Variants in ZFHX3 observed in about 807,000 individuals in gnomAD.
The protein encoded by ZFHX3 is zinc finger homeobox 3.
In ZFHX3, 42 loss-of-function variants were observed where a neutral mutation model predicts 279.1. That is an observed-to-expected ratio of 0.15 (90% CI 0.12 to 0.19). ZFHX3 has a LOEUF of 0.19. Among genes scored for constraint, ZFHX3 ranks in the 10% least tolerant of loss-of-function variants. ZFHX3 has a pLI of 1.00. For missense variants in ZFHX3, 4,981 were observed against 4,754.0 expected (o/e 1.05, Z -1.40); for synonymous variants, 2,293 against 1,957.8 (o/e 1.17, Z -4.52).
chr16:73,745,598 T>C (rs1201904830), intron 1 of ZFHX3, among the ~76,000 whole-genome samples: 2 of 152,198 alleles, frequency 1.3e-5, no homozygotes, highest in African/African-American at 4.8e-5. Context: ...ACCAAATGCG[T>C]GTATAGCCAG....
rs138643120 is a variant in ZFHX3, at chr16:72,787,677, C to T, written c.10599G>A (p.Ala3533=). 4.7e-5 allele frequency: 72 copies of T among 1,543,232 alleles called. No individual in the cohort carries two copies. Among genetic ancestry groups the T allele is most frequent in the Non-Finnish European group, 6.2e-5 (71 of 1,144,252 alleles). The change falls in exon 10 of 10, where the codon GCG becomes GCA. Residue 3533 remains alanine, a synonymous_variant. Coordinates refer to ENST00000268489, the MANE Select transcript of ZFHX3 (RefSeq NM_006885.4). ...CCTCCCCACAGAGCGCGCTCTCGCA[C>T]GCCAGGCAGTGGTACGAGCCGCCGC... ...GGGGGSYHCL[A]CESALCGEEA... is the part of the protein sequence containing the mutation.
intron 4 of ZFHX3, among the ~76,000 whole-genome samples, chr16:73,295,888 A>T (rs991391730): frequency 2.6e-5 from 4 of 152,230 alleles, no homozygotes; most frequent in Admixed American, 6.5e-5. Flanking sequence ...CTCTGCAGGA[A>T]GTAGCTTTCT....
chr16:73,203,688 G>A (rs151208009), intron 5 of ZFHX3, among the ~76,000 whole-genome samples: 3 of 152,288 alleles, frequency 2.0e-5, no homozygotes, highest in East Asian at 3.9e-4. Flanking sequence ...GGTGGGCTGG[G>A]GATAGGTGAA....
intron 2 of ZFHX3, among the ~76,000 whole-genome samples, chr16:73,494,678 G>A (rs929160484): frequency 6.6e-6 from 1 of 151,822 alleles, no homozygotes; most frequent in African/African-American, 2.4e-5. Flanking sequence ...TCCTGCCTCA[G>A]CCTCCAGAGT....
chr16:73,593,453 A>G (rs1169288134), intron 2 of ZFHX3, among the ~76,000 whole-genome samples: 3 of 152,178 alleles, frequency 2.0e-5, no homozygotes, highest in Non-Finnish European at 4.4e-5. Context: ...AGAAATGAAG[A>G]GTTTATTTAT....
intron 5 of ZFHX3, among the ~76,000 whole-genome samples, chr16:73,227,476 A>ATAATT (rs1415250306): frequency 6.6e-6 from 1 of 152,162 alleles, no homozygotes; most frequent in South Asian, 2.1e-4. Flanking sequence ...TGACTAGAAG[A>ATAATT]TAATTTAATT....
chr16:73,003,659 C>T (rs4788688), intron 1 of ZFHX3, among the ~76,000 whole-genome samples: 75,832 of 151,822 alleles, frequency 0.5, 19,326 homozygotes, highest in East Asian at 0.73. Flanking sequence ...TAAGCTGAGA[C>T]TGCACTACTG....
chr16:72,946,689 C>T (rs895982662), intron 3 of ZFHX3, among the ~76,000 whole-genome samples: 3 of 152,208 alleles, frequency 2.0e-5, no homozygotes, highest in Non-Finnish European at 2.9e-5. Flanking sequence ...CCACACGCCT[C>T]AGACGCAGGC....
At chr16:73,734,267 A>G (rs543903229) in intron 1 of ZFHX3, among the ~76,000 whole-genome samples, 1 of 152,316 alleles carries the variant, frequency 6.6e-6, no homozygotes, top group African/African-American at 2.4e-5. Flanking sequence ...TAGGGGATGG[A>G]CTTTTGGAAT....
At chr16:73,250,345 A>G (rs1290715663) in intron 5 of ZFHX3, among the ~76,000 whole-genome samples, 2 of 152,204 alleles carry the variant, frequency 1.3e-5, no homozygotes, top group Non-Finnish European at 2.9e-5. Flanking sequence ...GATGTTATCA[A>G]TTGCTATATA....
At chr16:72,928,169 AG>A (rs1338595118) in intron 3 of ZFHX3, among the ~76,000 whole-genome samples, 1 of 18,504 alleles carries the variant, frequency 5.4e-5, no homozygotes, top group Non-Finnish European at 8.8e-5. Flanking sequence ...GGAGAGAGGG[AG>A]GGGGAGGGGA....
intron 5 of ZFHX3, among the ~76,000 whole-genome samples, chr16:72,825,922 T>C (rs191401613): frequency 3.3e-5 from 5 of 152,208 alleles, no homozygotes; most frequent in African/African-American, 9.7e-5. Context: ...TTTCTATCCA[T>C]ACCAAAAGTT....
chr16:73,064,683 T>C (rs1373516841), upstream of ZFHX3, among the ~76,000 whole-genome samples: 2 of 152,046 alleles, frequency 1.3e-5, no homozygotes, highest in Non-Finnish European at 2.9e-5. Flanking sequence ...CTTGAAAGAG[T>C]TCCAAATGAT....
intron 4 of ZFHX3, among the ~76,000 whole-genome samples, chr16:72,878,609 T>A (rs537560087): frequency 3.0e-4 from 45 of 152,322 alleles, no homozygotes; most frequent in Admixed American, 2.0e-3. Flanking sequence ...GTCTTAGGAT[T>A]TCTTCATTTC....
At chr16:73,757,007 TG>T (rs1217173390) in intron 1 of ZFHX3, among the ~76,000 whole-genome samples, 1 of 152,138 alleles carries the variant, frequency 6.6e-6, no homozygotes, top group Non-Finnish European at 1.5e-5. Context: ...AGGGAATGCA[TG>T]GGACAGGTGT....
intron 1 of ZFHX3, among the ~76,000 whole-genome samples, chr16:73,034,907 G>A (rs889843240): frequency 3.3e-5 from 5 of 152,158 alleles, no homozygotes; most frequent in South Asian, 2.1e-4. Context: ...GACCAAACCC[G>A]CTGTGTGCAG....
chr16:73,553,480 G>C (rs565230649), intron 2 of ZFHX3, among the ~76,000 whole-genome samples: 1 of 152,162 alleles, frequency 6.6e-6, no homozygotes, highest in Non-Finnish European at 1.5e-5. Context: ...TCTAAAAGGT[G>C]AGCAGAGTCC....
rs532374217 is a variant in ZFHX3 at position 72,924,631 on chromosome 16, C to T, written c.3216+25838G>A. Reference sequence around the variant, plus strand: ...GGCCGCGGCTGGGTGCGCAGAACTACGACACCAGCCCTAAGAAGCCAACAG... The same window carrying T: ...GGCCGCGGCTGGGTGCGCAGAACTATGACACCAGCCCTAAGAAGCCAACAG... On this transcript the variant is annotated intron_variant, in intron 3 of 9. Coordinates refer to ENST00000268489, the MANE Select transcript of ZFHX3 (RefSeq NM_006885.4). 9.9e-5 allele frequency among the ~76,000 whole-genome samples: 15 copies of T among 152,242 alleles called. No homozygotes were observed. The South Asian group carries it at 2.7e-3, about 27-fold the overall frequency.
At chr16:73,779,991 CAAGCCTTTCTAAGA>C (rs1959400892) in intron 1 of ZFHX3, among the ~76,000 whole-genome samples, 1 of 49,144 alleles carries the variant, frequency 2.0e-5, no homozygotes, top group Non-Finnish European at 3.8e-5. Context: ...CACTGGATCC[CAAGCCTTTCTAAGA>C]CTTTTTTTTC....
Sources: allele counts gnomAD v4.1 joint callset (sites outside exome capture counted in the v4.1 genomes callset), GRCh38; gene constraint gnomAD v4.1.1; transcripts MANE v1.5; gene names NCBI Gene and HGNC (gene_info 2026-07-23, HGNC 2026-07-21).